The following TCERG1L variants were observed in gnomAD, a reference collection of about 807,000 sequenced individuals.
The protein encoded by TCERG1L is transcription elongation regulator 1 like.
Under a neutral mutation model 56.3 loss-of-function variants are expected in TCERG1L, and 37 were observed. The observed-to-expected ratio is 0.66, with a 90% confidence interval of 0.51 to 0.87. The LOEUF (loss-of-function observed/expected upper bound fraction) is 0.87, where lower values mean the gene tolerates loss of function less well. Among genes scored for constraint, TCERG1L ranks in the 40% least tolerant of loss-of-function variants. The pLI is 0.00. For missense variants in TCERG1L, 799 were observed against 774.2 expected (o/e 1.03, Z -0.38); for synonymous variants, 324 against 326.3 (o/e 0.99, Z 0.08).
At chr10:131,108,626 C>A (rs761592424) in intron 9 of TCERG1L, among the ~76,000 whole-genome samples, 5 of 152,176 alleles carry the variant, frequency 3.3e-5, no homozygotes, top group Admixed American at 3.3e-4. Flanking sequence ...GCATAAGCAA[C>A]GACTTCAAAC....
chr10:131,122,330 A>G (rs967351526), intron 8 of TCERG1L, among the ~76,000 whole-genome samples: 3 of 152,168 alleles, frequency 2.0e-5, no homozygotes, highest in African/African-American at 7.2e-5. Context: ...GCGTGTCAGG[A>G]AACACCAGCC....
rs1477404284 is a variant in TCERG1L, at chr10:131,104,310, C to T, written c.1440G>A (p.Val480=). The change falls in exon 10 of 12, where the codon GTG becomes GTA. Residue 480 remains valine (V), a synonymous_variant. Transcript: ENST00000368642. ...TGAGCAGGAGATAGCGTGGGTCAAA[C>T]ACGATTTTGTGTAATTCTTTCTCCC... is the stretch of plus-strand genomic sequence containing the variant. ...STWEKELHKI[V]FDPRYLLLNS... 1.9e-6 allele frequency: 3 copies of T among 1,551,062 alleles called. No individual in the cohort carries two copies. Among genetic ancestry groups the T allele is most frequent in the Admixed American group, 3.9e-5 (2 of 51,004 alleles).
intron 4 of TCERG1L, among the ~76,000 whole-genome samples, chr10:131,178,187 G>A (rs902140786): frequency 3.9e-5 from 6 of 152,112 alleles, no homozygotes; most frequent in South Asian, 2.1e-4. Context: ...GCCTTTGCCC[G>A]GGGAGGTCGC....
chr10:131,111,823 G>C lies in TCERG1L; in HGVS notation c.1395+4976C>G, dbSNP rs370596311. Among the ~76,000 whole-genome samples, 43 of 143,484 alleles carry C rather than the reference G, an allele frequency of 3.0e-4. 10 individuals are homozygous for C. The East Asian group carries it at 8.8e-3, about 29-fold the overall frequency. The allele number at this position is 143,484 out of a possible 152,430, so 94.1% of individuals were successfully genotyped here. On this transcript the variant is annotated intron_variant, in intron 9 of 11. Transcript: ENST00000368642. ...TGTTGAAAACACAAGAAGACAGATA[G>C]ACAAGCCAGACTGCTCCAAGGTGTT... is the stretch of plus-strand genomic sequence containing the variant.
At chr10:131,159,853 G>A (rs568068209) in intron 6 of TCERG1L, among the ~76,000 whole-genome samples, 1 of 152,272 alleles carries the variant, frequency 6.6e-6, no homozygotes, top group African/African-American at 2.4e-5. Flanking sequence ...GAGAAGCTGA[G>A]ATCTGGAGAG....
At chr10:131,116,565 T>TA (rs1248492129) in intron 9 of TCERG1L, among the ~76,000 whole-genome samples, 1 of 152,136 alleles carries the variant, frequency 6.6e-6, no homozygotes, top group Non-Finnish European at 1.5e-5. Context: ...CACCTGCCTC[T>TA]CACTCAGCAC....
rs998247577 is a variant in TCERG1L, at chr10:131,201,975, G to A, written c.857-35090C>T. Among the ~76,000 whole-genome samples the A allele has an allele frequency of 3.9e-5, 6 of 152,332 alleles. No homozygotes were observed. In the East Asian group the frequency reaches 1.2e-3, roughly 29 times the overall value. ...CCAGGGCCACGTGGGGGTCACGGGG[G>A]CTGGTTCTCTCCAGATCCTGTAATG... On this transcript the variant is annotated intron_variant, in intron 4 of 11. Coordinates refer to ENST00000368642, the MANE Select transcript of TCERG1L (RefSeq NM_174937.4).
chr10:131,248,185 CACAA>C (rs372175494), intron 4 of TCERG1L, among the ~76,000 whole-genome samples: 1,665 of 150,310 alleles, frequency 0.011, 36 homozygotes, highest in African/African-American at 0.037. Flanking sequence ...ACATGACACA[CACAA>C]ACACACACTA....
At chr10:131,127,115 T>TAAAAC (rs1203692561) in intron 8 of TCERG1L, among the ~76,000 whole-genome samples, 10 of 152,094 alleles carry the variant, frequency 6.6e-5, no homozygotes, top group Admixed American at 5.9e-4. Flanking sequence ...TTCTAAGATT[T>TAAAAC]AAAACAAAAA....
intron 3 of TCERG1L, among the ~76,000 whole-genome samples, chr10:131,278,379 C>G (rs1422731818): frequency 6.7e-6 from 1 of 150,290 alleles, no homozygotes; most frequent in African/African-American, 2.5e-5. Flanking sequence ...GCTCCGTCAC[C>G]CAGGCTAGAG....
At chr10:131,264,070 G>C (rs999165712) in intron 3 of TCERG1L, among the ~76,000 whole-genome samples, 1 of 151,600 alleles carries the variant, frequency 6.6e-6, no homozygotes, top group African/African-American at 2.4e-5. Flanking sequence ...AACACGCAAA[G>C]CCCCTCAGCC....
intron 4 of TCERG1L, among the ~76,000 whole-genome samples, chr10:131,242,191 C>A: frequency 6.6e-6 from 1 of 152,042 alleles, no homozygotes; most frequent in African/African-American, 2.4e-5. Flanking sequence ...TGGCTCCCAG[C>A]CAGCAGAGCA....
intron 6 of TCERG1L, chr10:131,161,280 T>G (rs1845974428): frequency 1.3e-5 from 2 of 152,242 alleles, no homozygotes. Flanking sequence ...AGCCACGGTC[T>G]ACACCATGCA....
intron 4 of TCERG1L, among the ~76,000 whole-genome samples, chr10:131,198,692 G>T (rs1347641875): frequency 6.6e-6 from 1 of 152,220 alleles, no homozygotes; most frequent in Non-Finnish European, 1.5e-5. Flanking sequence ...CTGCATGCTG[G>T]TGACTCTACG....
At chr10:131,105,715 G>A (rs888905072) in intron 9 of TCERG1L, among the ~76,000 whole-genome samples, 1 of 151,718 alleles carries the variant, frequency 6.6e-6, no homozygotes, top group African/African-American at 2.4e-5. Flanking sequence ...TGTTCCGGAG[G>A]GGGGTGGGAA....
rs868142703 is a variant in TCERG1L at position 131,311,578 on chromosome 10, G to C, written c.58C>G (p.Arg20Gly). 6.0e-6 allele frequency: 7 copies of C among 1,157,962 alleles called. No homozygotes were observed. In the South Asian group the frequency reaches 1.2e-4, roughly 20 times the overall value. The allele number at this position is 1,157,962 out of a possible 1,614,324, so 71.7% of individuals were successfully genotyped here. The change falls in exon 1 of 12, where the codon CGG becomes GGG. Residue 20 changes from arginine to glycine, a missense_variant. Physicochemically the swap from Arg to Gly is moderately radical, Grantham distance 125. Transcript: ENST00000368642. This position sits in a 1 kb window ranked among gnomAD's most constrained non-coding sequence, Gnocchi z 4.0. ...GGCCAGAGGAGAGGCTGCCGCCGCC[G>C]GGGCTGCTGCTGCTGCAGCTGCCGC... is the stretch of plus-strand genomic sequence containing the variant. The part of the protein sequence containing the change: ...RRRQLQQQQP[R>G]RRQPLLWPMD...
intron 6 of TCERG1L, chr10:131,160,988 C>T (rs2185919): frequency 0.24 from 36,745 of 152,094 alleles, 6,358 homozygotes; most frequent in African/African-American, 0.5. Context: ...CATCCTGCAG[C>T]GTGATATGCG....
intron 4 of TCERG1L, among the ~76,000 whole-genome samples, chr10:131,177,785 C>G (rs529025132): frequency 7.7e-4 from 117 of 151,948 alleles, no homozygotes; most frequent in African/African-American, 2.6e-3. Flanking sequence ...GAAGGGGAGG[C>G]TCCTGGCACG....
intron 4 of TCERG1L, among the ~76,000 whole-genome samples, chr10:131,218,760 A>G (rs1845700646): frequency 6.6e-6 from 1 of 152,110 alleles, no homozygotes; most frequent in South Asian, 2.1e-4. Context: ...AGCTGGGCTG[A>G]CGTGGGGATG....
Sources: allele counts gnomAD v4.1 joint callset (sites outside exome capture counted in the v4.1 genomes callset), GRCh38; gene constraint gnomAD v4.1.1; non-coding constraint Gnocchi (gnomAD v3.1); transcripts MANE v1.5; gene names NCBI Gene and HGNC (gene_info 2026-07-23, HGNC 2026-07-21).